Variants in TSPAN11 observed in about 807,000 individuals in gnomAD.
TSPAN11 encodes tetraspanin 11, also known as tetraspanin-11.
TSPAN11 carries 29 observed loss-of-function variants against 32.9 expected under a neutral mutation model. The ratio of observed to expected loss-of-function variants is 0.88; its 90% confidence interval spans 0.66 to 1.20. TSPAN11 has a LOEUF of 1.20. Ranked by LOEUF, TSPAN11 falls within the 50% of genes most tolerant of loss-of-function variation. The probability of loss-of-function intolerance (pLI) is 0.00; values close to 1 mark genes in which losing one functional copy is unlikely to be tolerated. For synonymous variants in TSPAN11, 140 were observed against 141.3 expected (o/e 0.99, Z 0.07); for missense variants, 283 against 329.1 (o/e 0.86, Z 1.08).
intron 1 of TSPAN11, among the ~76,000 whole-genome samples, chr12:30,939,570 T>G (rs2075367): frequency 0.071 from 10,795 of 152,230 alleles, 996 homozygotes; most frequent in African/African-American, 0.21. Context: ...TCTGCCACTT[T>G]TGATTCTGAG....
At chr12:30,927,977 G>C (rs1937837053) in intron 1 of TSPAN11, among the ~76,000 whole-genome samples, 1 of 152,178 alleles carries the variant, frequency 6.6e-6, no homozygotes, top group South Asian at 2.1e-4. Flanking sequence ...GGCACTACTG[G>C]CCTACAGGGG....
intron 7 of TSPAN11, among the ~76,000 whole-genome samples, chr12:30,983,557 GT>G: frequency 6.6e-6 from 1 of 150,862 alleles, no homozygotes; most frequent in Middle Eastern, 3.4e-3. Flanking sequence ...TTGTGCATGT[GT>G]GTGTGAGTGT....
At chr12:30,999,418 C>T (rs1439224835), downstream of TSPAN11, 1 of 152,100 alleles carries the variant, frequency 6.6e-6, no homozygotes, top group African/African-American at 2.4e-5. Flanking sequence ...ATGTTAAATA[C>T]ACCTAACCTA....
At chr12:30,958,352 G>C (rs1236073052) in intron 2 of TSPAN11, among the ~76,000 whole-genome samples, 1 of 152,174 alleles carries the variant, frequency 6.6e-6, no homozygotes, top group Non-Finnish European at 1.5e-5. Flanking sequence ...CATAAACCAA[G>C]GCAGCAGGAG....
intron 1 of TSPAN11, among the ~76,000 whole-genome samples, chr12:30,937,713 C>A (rs532485138): frequency 3.0e-4 from 45 of 152,342 alleles, no homozygotes; most frequent in Admixed American, 2.5e-3. Context: ...CCAACAGCAT[C>A]AGCCTCACCT....
At chr12:30,931,429 G>A (rs1937923743) in intron 1 of TSPAN11, among the ~76,000 whole-genome samples, 2 of 152,322 alleles carry the variant, frequency 1.3e-5, no homozygotes, top group South Asian at 2.1e-4. Context: ...CATAGCTGGT[G>A]TGGTAGCTTG....
At chr12:30,986,155 C>T (rs1939196854) in intron 7 of TSPAN11, among the ~76,000 whole-genome samples, 1 of 152,214 alleles carries the variant, frequency 6.6e-6, no homozygotes, top group Non-Finnish European at 1.5e-5. Context: ...CCTACATACC[C>T]AGCCTGGCAC....
At chr12:30,930,852 G>A (rs7300625) in intron 1 of TSPAN11, among the ~76,000 whole-genome samples, 4,797 of 152,250 alleles carry the variant, frequency 0.032, 262 homozygotes, top group African/African-American at 0.11. Flanking sequence ...TTTTCCAACT[G>A]GCCATGCGAC....
chr12:30,974,563 G>A (rs1938920847), intron 3 of TSPAN11, among the ~76,000 whole-genome samples: 1 of 152,212 alleles, frequency 6.6e-6, no homozygotes, highest in African/African-American at 2.4e-5. Context: ...TGTCTCATAG[G>A]TGTACTTTAT....
chr12:30,979,784 A>G, intron 5 of TSPAN11, 114 bp downstream of exon 5: 1 of 993,186 alleles, frequency 1.0e-6, no homozygotes, highest in Non-Finnish European at 1.5e-6. Context: ...TGAGCTTCAA[A>G]TGTCACATCC....
intron 7 of TSPAN11, among the ~76,000 whole-genome samples, chr12:30,990,983 G>A (rs1939301049): frequency 6.6e-6 from 1 of 152,196 alleles, no homozygotes; most frequent in South Asian, 2.1e-4. Context: ...GGGAGGAGAG[G>A]AAGAGGAGGA....
intron 1 of TSPAN11, among the ~76,000 whole-genome samples, chr12:30,930,139 G>C (rs937916476): frequency 6.6e-6 from 1 of 152,096 alleles, no homozygotes; most frequent in Non-Finnish European, 1.5e-5. Context: ...GGGTTTCTGG[G>C]CTCATAGGTT....
intron 1 of TSPAN11, among the ~76,000 whole-genome samples, chr12:30,938,934 T>G (rs1165766697): frequency 6.6e-6 from 1 of 152,100 alleles, no homozygotes; most frequent in Non-Finnish European, 1.5e-5. Flanking sequence ...AGCCTCCTTG[T>G]TTATAAAACA....
In TSPAN11 at chr12:30,995,518, T is replaced by C. The variant is rs1476457910; in HGVS notation, c.*3603T>C. On this transcript the variant is annotated 3_prime_UTR_variant, in exon 8 of 8. Transcript: ENST00000546076. ...GGTGTGGGGGGAATATGGTAGATCATTGTGATGTGCCTCGGGGCCCTCTTG... is the reference window on the plus strand; with the variant it reads ...GGTGTGGGGGGAATATGGTAGATCACTGTGATGTGCCTCGGGGCCCTCTTG... 2.0e-5 allele frequency: 3 copies of C among 152,260 alleles called. No individual in the cohort carries two copies. Among genetic ancestry groups the C allele is most frequent in the East Asian group, 1.9e-4 (1 of 5,190 alleles). 9.4% of individuals were successfully genotyped at this position (152,260 alleles called of 1,614,324 possible). A position where few individuals can be genotyped will look rare whatever the true frequency, so the allele number is the denominator to read the frequency against.
intron 7 of TSPAN11, among the ~76,000 whole-genome samples, chr12:30,986,503 T>C (rs1357045911): frequency 6.6e-6 from 1 of 152,218 alleles, no homozygotes; most frequent in Non-Finnish European, 1.5e-5. Context: ...CTCCCCTCAC[T>C]GCCCTTGGTG....
In TSPAN11 at chr12:30,957,858, T is replaced by TC. The variant is rs1169588281; in HGVS notation, c.84+3785dup. ...CTCCCTCCTTCCTTCCTTCCTTCCT[T>TC]CCTTCCCTCCCTCCCTCCCTCCTTC... On this transcript the variant is annotated intron_variant, in intron 2 of 7. Coordinates refer to ENST00000546076, the MANE Select transcript of TSPAN11 (RefSeq NM_001370302.1). Among the ~76,000 whole-genome samples the TC allele has an allele frequency of 3.2e-4, 28 of 86,266 alleles. 3 individuals are homozygous for TC. Among genetic ancestry groups the TC allele is most frequent in the Non-Finnish European group, 6.1e-4 (23 of 37,970 alleles). The allele number at this position is 86,266 out of a possible 152,430, so 56.6% of individuals were successfully genotyped here.
chr12:30,981,371 G>A (rs1452472994), intron 5 of TSPAN11, among the ~76,000 whole-genome samples: 4 of 152,306 alleles, frequency 2.6e-5, no homozygotes, highest in Non-Finnish European at 5.9e-5. Context: ...CACTGATGGC[G>A]CCGGGCTCTC....
At chr12:30,964,174 C>T (rs533456307) in intron 3 of TSPAN11, among the ~76,000 whole-genome samples, 157 bp downstream of exon 3, 7 of 152,154 alleles carry the variant, frequency 4.6e-5, no homozygotes, top group Non-Finnish European at 8.8e-5. Context: ...GGGTTTGCCA[C>T]GGTCTCCAGG....
intron 1 of TSPAN11, among the ~76,000 whole-genome samples, chr12:30,931,449 T>C (rs1279483575): frequency 6.6e-6 from 1 of 152,156 alleles, no homozygotes; most frequent in Non-Finnish European, 1.5e-5. Flanking sequence ...GACTGAAGCC[T>C]TTTGGTCAGG....
Sources: allele counts gnomAD v4.1 joint callset (sites outside exome capture counted in the v4.1 genomes callset), GRCh38; gene constraint gnomAD v4.1.1; transcripts MANE v1.5; gene names NCBI Gene and HGNC (gene_info 2026-07-23, HGNC 2026-07-21).